JMJD1C: variants seen among roughly 807,000 people sequenced by gnomAD.
JMJD1C encodes jumonji domain-containing protein 1C.
A neutral mutation model predicts 245.3 loss-of-function variants in JMJD1C; 31 were observed. That is an observed-to-expected ratio of 0.13 (90% CI 0.09 to 0.17). The LOEUF is 0.17. Ranked by LOEUF, JMJD1C falls within the 10% of genes least tolerant of loss-of-function variation. JMJD1C has a pLI of 1.00. For synonymous variants in JMJD1C, 1,057 were observed against 1,017.4 expected (o/e 1.04, Z -0.74); for missense variants, 2,691 against 3,000.2 (o/e 0.90, Z 2.41).
Position 63,396,185 on chromosome 10 carries a change from G to A in JMJD1C, c.169-15703C>T, listed in dbSNP as rs952400883. ...GCCACTCCCTTCTCCCAAAGGCAATGATGATATATATACAGAGAGATTATA... is the reference window on the plus strand; with the variant it reads ...GCCACTCCCTTCTCCCAAAGGCAATAATGATATATATACAGAGAGATTATA... On this transcript the variant is annotated intron_variant, in intron 1 of 25. Coordinates refer to ENST00000399262, the MANE Select transcript of JMJD1C (RefSeq NM_032776.3). 4.0e-5 allele frequency among the ~76,000 whole-genome samples: 6 copies of A among 151,658 alleles called. 1 individual carries two copies. Among genetic ancestry groups the A allele is most frequent in the Admixed American group, 2.6e-4 (4 of 15,260 alleles).
chr10:63,208,616 T>C lies in JMJD1C; in HGVS notation c.3053A>G (p.Tyr1018Cys). 2 of 1,614,080 alleles carry C rather than the reference T, an allele frequency of 1.2e-6. No homozygotes were observed. The highest frequency in any genetic ancestry group is 1.1e-5 in the South Asian group (1 of 91,080). ...PQETGERLNK[Y>C]KEEHRRILQE... ...AAGAATTCGACGGTGTTCCTCTTTG[T>C]ATTTGTTTAACCTCTCTCCAGTCTC... is the stretch of plus-strand genomic sequence containing the variant. The change falls in exon 10 of 26, where the codon TAC (tyrosine) becomes TGC (cysteine). Residue 1018 changes from tyrosine (Y) to cysteine (C), a missense_variant. Around this residue, in one of 9 missense-constraint regions of JMJD1C, gnomAD observed 1,562 missense variants for 1,490.7 expected, o/e 1.05. Transcript: ENST00000399262.
chr10:63,204,883 A>G, intron 10 of JMJD1C: 1 of 985,418 alleles, frequency 1.0e-6, no homozygotes, highest in Non-Finnish European at 1.2e-6. Flanking sequence ...AACCTCATTC[A>G]GTTAAAAGGC....
At chr10:63,170,951 A>G (rs895725404) in intron 24 of JMJD1C, among the ~76,000 whole-genome samples, 3 of 152,206 alleles carry the variant, frequency 2.0e-5, no homozygotes, top group Non-Finnish European at 1.5e-5. Context: ...TAATGTTAAG[A>G]AAATATAATT....
At chr10:63,200,758 A>G (rs1477422374) in intron 10 of JMJD1C, 81 bp from the exon 11 acceptor site, 8 of 1,235,200 alleles carry the variant, frequency 6.5e-6, no homozygotes, top group African/African-American at 1.5e-5. Context: ...CAAGTCAGTT[A>G]TACAATTGTG....
chr10:63,189,501 A>G, intron 17 of JMJD1C, 55 bp from the exon 18 acceptor site: 2 of 1,466,918 alleles, frequency 1.4e-6, no homozygotes, highest in East Asian at 4.5e-5. Flanking sequence ...AATCAAATAC[A>G]TTTTCCTCCC....
chr10:63,212,622 T>TGTAA (rs1847497626), intron 8 of JMJD1C, among the ~76,000 whole-genome samples: 1 of 152,104 alleles, frequency 6.6e-6, no homozygotes, highest in Admixed American at 6.6e-5. Flanking sequence ...ACTGGGAATC[T>TGTAA]GTAACCTTGA....
chr10:63,258,809 G>A (rs1384376667), intron 3 of JMJD1C, among the ~76,000 whole-genome samples: 1 of 151,748 alleles, frequency 6.6e-6, no homozygotes, highest in Non-Finnish European at 1.5e-5. Flanking sequence ...ATAAGATAAA[G>A]ATCATTACTT....
intron 1 of JMJD1C, among the ~76,000 whole-genome samples, chr10:63,381,216 T>C (rs575149105): frequency 3.7e-4 from 57 of 152,146 alleles, no homozygotes; most frequent in Middle Eastern, 3.2e-3. Context: ...GTCAAAAACA[T>C]GGATCTTGAC....
chr10:63,481,633 A>C (rs764552658), intron 1 of JMJD1C, among the ~76,000 whole-genome samples: 7 of 152,176 alleles, frequency 4.6e-5, no homozygotes, highest in Non-Finnish European at 1.0e-4. Flanking sequence ...TTCTCCTGCC[A>C]CCCAGAACAT....
chr10:63,429,622 T>A (rs1056541519), intron 1 of JMJD1C, among the ~76,000 whole-genome samples: 4 of 152,212 alleles, frequency 2.6e-5, no homozygotes, highest in African/African-American at 9.7e-5. Context: ...AGGGAAAATG[T>A]TGTGAGCAAA....
At position 63,217,227 on chromosome 10, in the gene JMJD1C, T is replaced by C; in HGVS notation, c.658A>G (p.Met220Val). 6.2e-7 allele frequency: 1 copy of C among 1,611,800 alleles called. No homozygotes were observed. The part of the protein sequence containing the change: ...ITHHDLFTRT[M>V]IVMNDQVLEP... ...TTTACCTGATCATTCATAACGATCA[T>C]GGTGCGGGTGAAGAGATCATGATGA... Residue 220 changes from methionine to valine, a missense_variant, in exon 5 of 26, where the codon ATG (methionine) becomes GTG (valine). Met to Val is a conservative substitution (Grantham distance 21). This residue lies in a region of JMJD1C where 172 missense variants were observed against 240.8 expected (regional missense o/e 0.71). Transcript: ENST00000399262.
chr10:63,428,858 A>C (rs1456598993), intron 1 of JMJD1C, among the ~76,000 whole-genome samples: 2 of 152,198 alleles, frequency 1.3e-5, no homozygotes, highest in African/African-American at 4.8e-5. Flanking sequence ...TCAGAATCTA[A>C]CAAGAAAAAA....
At chr10:63,344,037 C>G (rs1943602168) in intron 2 of JMJD1C, among the ~76,000 whole-genome samples, 1 of 152,026 alleles carries the variant, frequency 6.6e-6, no homozygotes, top group Non-Finnish European at 1.5e-5. Flanking sequence ...GACCCTGTCT[C>G]AAGAAACAAA....
chr10:63,215,242 A>T, intron 7 of JMJD1C, 21 bp downstream of exon 7: 2 of 1,152,656 alleles, frequency 1.7e-6, no homozygotes, highest in Non-Finnish European at 2.4e-6. Flanking sequence ...TCATTCCCTT[A>T]AAAAAAAAAG....
chr10:63,386,072 T>G (rs1947564745), intron 1 of JMJD1C, among the ~76,000 whole-genome samples: 1 of 151,626 alleles, frequency 6.6e-6, no homozygotes, highest in South Asian at 2.1e-4. Flanking sequence ...CTAAAAAATG[T>G]GAAACATACA....
upstream of JMJD1C, among the ~76,000 whole-genome samples, chr10:63,469,035 T>C (rs1422713431): frequency 6.6e-6 from 1 of 152,212 alleles, no homozygotes; most frequent in African/African-American, 2.4e-5. Context: ...ATGTATTCAC[T>C]GCAATAAGAA....
intron 2 of JMJD1C, among the ~76,000 whole-genome samples, chr10:63,341,484 TC>T (rs1428690324): frequency 6.6e-6 from 1 of 152,208 alleles, no homozygotes; most frequent in African/African-American, 2.4e-5. Flanking sequence ...AATGTACACT[TC>T]CTATGACAGG....
intron 4 of JMJD1C, among the ~76,000 whole-genome samples, chr10:63,218,467 A>G (rs1223459286): frequency 1.3e-5 from 2 of 152,236 alleles, no homozygotes; most frequent in African/African-American, 2.4e-5. Context: ...TATGAACTTC[A>G]GTCTTTTCTA....
Position 63,207,143 on chromosome 10 carries a change from T to A in JMJD1C, c.4526A>T (p.Asn1509Ile), listed in dbSNP as rs544529415. The change falls in exon 10 of 26, where the codon AAT becomes ATT. Residue 1509 changes from asparagine (N) to isoleucine (I), a missense_variant. This residue lies in a region of JMJD1C where 1,562 missense variants were observed against 1,490.7 expected (regional missense o/e 1.05). Transcript: ENST00000399262. ...ASETEPNAIK[N>I]QTLSASLPLD... ...AGGAAGGGAGGCTGAAAGTGTCTGATTTTTTATAGCATTAGGTTCAGTCTC... is the reference window on the plus strand; with the variant it reads ...AGGAAGGGAGGCTGAAAGTGTCTGAATTTTTATAGCATTAGGTTCAGTCTC... 1 of 1,614,160 alleles carries A rather than the reference T, an allele frequency of 6.2e-7. No individual in the cohort carries two copies. The highest frequency in any genetic ancestry group is 1.3e-5 in the African/African-American group (1 of 75,040).
Sources: allele counts gnomAD v4.1 joint callset (sites outside exome capture counted in the v4.1 genomes callset), GRCh38; gene constraint gnomAD v4.1.1; regional missense constraint gnomAD v4.1.1; transcripts MANE v1.5; gene names NCBI Gene and HGNC (gene_info 2026-07-23, HGNC 2026-07-21).